LRRC18: variants seen among roughly 807,000 people sequenced by gnomAD.
The protein encoded by LRRC18 is leucine rich repeat containing 18.
LRRC18 carries 12 observed loss-of-function variants against 11.2 expected under a neutral mutation model. The ratio of observed to expected loss-of-function variants is 1.07; its 90% CI spans 0.69 to 1.74. LRRC18 has a LOEUF of 1.74. Ranked by LOEUF, LRRC18 falls within the 40% of genes most tolerant of loss-of-function variation. The pLI is 0.00. For synonymous variants in LRRC18, 155 were observed against 130.6 expected, an observed-to-expected ratio of 1.19 and a Z score of -1.27; for missense variants, 374 against 330.5, an observed-to-expected ratio of 1.13 and a Z score of -1.02.
chr10:48,912,782 A>C (rs76904680), intron 1 of LRRC18, among the ~76,000 whole-genome samples: 1 of 152,258 alleles, frequency 6.6e-6, no homozygotes, highest in Non-Finnish European at 1.5e-5. Flanking sequence ...GGTTTAGCCA[A>C]GAAAGCTCAT....
At chr10:48,911,841 T>G (rs902755303) in intron 1 of LRRC18, among the ~76,000 whole-genome samples, 3 of 152,218 alleles carry the variant, frequency 2.0e-5, no homozygotes, top group African/African-American at 7.2e-5. Context: ...ATTTTGAATC[T>G]AGATCTCCCA....
chr10:48,921,518 G>A, the LRRC18 span, among the ~76,000 whole-genome samples: 1 of 152,120 alleles, frequency 6.6e-6, no homozygotes, highest in Non-Finnish European at 1.5e-5. Flanking sequence ...AGAAAATGAA[G>A]GAGAAAATCT....
At chr10:48,932,799 G>A in the LRRC18 span, among the ~76,000 whole-genome samples, 22 of 152,180 alleles carry the variant, frequency 1.4e-4, no homozygotes, top group Non-Finnish European at 3.1e-4. Context: ...CTCAGACTGA[G>A]GTGGGTGGGG....
chr10:48,930,757 T>C, the LRRC18 span, among the ~76,000 whole-genome samples: 1 of 152,090 alleles, frequency 6.6e-6, no homozygotes, highest in Admixed American at 6.5e-5. Context: ...TGTGTAATCA[T>C]AGAATGAAAT....
the LRRC18 span, among the ~76,000 whole-genome samples, chr10:48,939,256 A>G: frequency 1.3e-5 from 2 of 152,214 alleles, no homozygotes; most frequent in Non-Finnish European, 2.9e-5. Context: ...CTGCTCCTGA[A>G]CAATGTCAAC....
At chr10:48,921,606 G>GA in the LRRC18 span, among the ~76,000 whole-genome samples, 2 of 151,452 alleles carry the variant, frequency 1.3e-5, no homozygotes, top group Middle Eastern at 3.5e-3. Flanking sequence ...AAGCTCTGTG[G>GA]AAAAAAAAAA....
the LRRC18 span, among the ~76,000 whole-genome samples, chr10:48,925,093 G>A: frequency 3.3e-5 from 5 of 152,104 alleles, no homozygotes; most frequent in African/African-American, 4.8e-5. Context: ...TTTACTTGTC[G>A]GTCATCTCTT....
At chr10:48,939,121 T>G in the LRRC18 span, among the ~76,000 whole-genome samples, 24 of 152,286 alleles carry the variant, frequency 1.6e-4, no homozygotes, top group African/African-American at 5.8e-4. Context: ...GTGCCCAGGT[T>G]CCCAGGTTGC....
the LRRC18 span, among the ~76,000 whole-genome samples, chr10:48,933,680 A>T: frequency 6.6e-6 from 1 of 152,146 alleles, no homozygotes; most frequent in Non-Finnish European, 1.5e-5. Context: ...ATATGATACT[A>T]GTAGGGAGCT....
At chr10:48,910,900 G>A (rs1486947615) in intron 1 of LRRC18, 8 of 984,990 alleles carry the variant, frequency 8.1e-6, no homozygotes, top group Admixed American at 1.2e-4. Flanking sequence ...CTGTAACCTC[G>A]ATGTTTCTCT....
At chr10:48,919,131 G>T (rs1838819711), upstream of LRRC18, among the ~76,000 whole-genome samples, 1 of 151,838 alleles carries the variant, frequency 6.6e-6, no homozygotes, top group African/African-American at 2.4e-5. Flanking sequence ...AGTACAAGCT[G>T]GTTCTTTGAA....
chr10:48,913,244 C>T (rs181768194), intron 1 of LRRC18, 148 bp downstream of exon 3: 88 of 752,292 alleles, frequency 1.2e-4, no homozygotes, highest in East Asian at 2.0e-4. Context: ...AATCACACGC[C>T]GAGAAAGTAA....
At chr10:48,922,498 G>A in the LRRC18 span, among the ~76,000 whole-genome samples, 1 of 152,236 alleles carries the variant, frequency 6.6e-6, no homozygotes, top group Non-Finnish European at 1.5e-5. Flanking sequence ...TCTTCTATCT[G>A]TGAAGTTGAG....
chr10:48,909,543 C>T (rs943316371), exon 2 of LRRC18: 1 of 152,106 alleles, frequency 6.6e-6, no homozygotes, highest in African/African-American at 2.4e-5. Flanking sequence ...GGTGCCGGCA[C>T]CTCCTTCTGG....
At chr10:48,936,605 AAG>A in the LRRC18 span, among the ~76,000 whole-genome samples, 59,446 of 151,310 alleles carry the variant, frequency 0.39, 13,400 homozygotes, top group Non-Finnish European at 0.51. Context: ...TCGGAGGCCG[AAG>A]AGGGTGGATC....
chr10:48,937,416 G>T, the LRRC18 span, among the ~76,000 whole-genome samples: 1 of 152,164 alleles, frequency 6.6e-6, no homozygotes, highest in Non-Finnish European at 1.5e-5. Context: ...TCTGGTCCTG[G>T]CAGGTGCTCT....
At chr10:48,928,574 G>A in the LRRC18 span, among the ~76,000 whole-genome samples, 2 of 152,122 alleles carry the variant, frequency 1.3e-5, no homozygotes, top group African/African-American at 4.8e-5. Flanking sequence ...AATTTATCCT[G>A]GGGGCCAAGA....
chr10:48,914,381 A>G (rs1838306010), upstream of LRRC18: 3 of 566,818 alleles, frequency 5.3e-6, no homozygotes, highest in Non-Finnish European at 9.3e-6. Flanking sequence ...GCCCAGCCAT[A>G]GATTGTCAGC....
chr10:48,933,444 C>T, the LRRC18 span, among the ~76,000 whole-genome samples: 1 of 152,238 alleles, frequency 6.6e-6, no homozygotes, highest in Non-Finnish European at 1.5e-5. Flanking sequence ...ACAAGCTTGG[C>T]TTTACAATGT....
Sources: gnomAD v4.1 joint callset for allele counts (sites outside exome capture counted in the v4.1 genomes callset) on GRCh38, gnomAD v4.1.1 for gene constraint, MANE v1.5 for transcripts, NCBI Gene and HGNC (gene_info 2026-07-23, HGNC 2026-07-21) for gene names.